The following CD47 variants were observed in gnomAD, a reference collection of about 807,000 sequenced individuals.
The protein encoded by CD47 is leukocyte surface antigen CD47.
CD47 carries 11 observed loss-of-function variants against 44.6 expected under a neutral mutation model. That is an observed-to-expected ratio of 0.25 (90% CI 0.16 to 0.41). CD47 has a LOEUF of 0.41. Ranked by LOEUF, CD47 falls within the 10% of genes least tolerant of loss-of-function variation. The pLI is 1.00. For synonymous variants in CD47, 140 were observed against 136.3 expected, an observed-to-expected ratio of 1.03 and a Z score of -0.19; for missense variants, 306 against 386.7, an observed-to-expected ratio of 0.79 and a Z score of 1.75.
At chr3:108,057,431 T>C in intron 7 of CD47, 46 bp downstream of exon 7, 1 of 864,448 alleles carries the variant, frequency 1.2e-6, no homozygotes, top group Non-Finnish European at 2.0e-6. Flanking sequence ...CTAAGTGATA[T>C]ATCTGAAATT....
At chr3:108,087,841 C>T (rs557967410) in intron 1 of CD47, among the ~76,000 whole-genome samples, 6 of 152,186 alleles carry the variant, frequency 3.9e-5, no homozygotes, top group Non-Finnish European at 5.9e-5. Flanking sequence ...ACTGTATAAT[C>T]GTAAAGAGGA....
intron 5 of CD47, among the ~76,000 whole-genome samples, chr3:108,058,949 C>G (rs2078964763): frequency 6.6e-6 from 1 of 152,160 alleles, no homozygotes; most frequent in African/African-American, 2.4e-5. Flanking sequence ...GATCTACTTT[C>G]AAAATGCAGT....
chr3:108,070,644 C>T (rs967526444), intron 3 of CD47, among the ~76,000 whole-genome samples: 1 of 152,086 alleles, frequency 6.6e-6, no homozygotes, highest in African/African-American at 2.4e-5. Flanking sequence ...TGGACTTTTC[C>T]AAGGGTGAAC....
At chr3:108,071,787 A>C (rs1360337257) in intron 2 of CD47, among the ~76,000 whole-genome samples, 1 of 152,230 alleles carries the variant, frequency 6.6e-6, no homozygotes, top group Non-Finnish European at 1.5e-5. Flanking sequence ...CTGTAAAGAC[A>C]GACTCAGGGA....
At chr3:108,072,603 G>A (rs887549842) in intron 2 of CD47, among the ~76,000 whole-genome samples, 4 of 152,140 alleles carry the variant, frequency 2.6e-5, no homozygotes, top group Non-Finnish European at 1.5e-5. Flanking sequence ...GATCTCTACT[G>A]AGAGATGTTT....
At chr3:108,072,604 A>G (rs1174663044) in intron 2 of CD47, among the ~76,000 whole-genome samples, 1 of 152,088 alleles carries the variant, frequency 6.6e-6, no homozygotes. Flanking sequence ...ATCTCTACTG[A>G]GAGATGTTTT....
intron 3 of CD47, among the ~76,000 whole-genome samples, chr3:108,065,894 C>A (rs1354592831): frequency 6.8e-6 from 1 of 147,848 alleles, no homozygotes. Context: ...GGGCCATCAA[C>A]CAGGTCACAG....
chr3:108,061,061 A>G (rs909612506), intron 3 of CD47, among the ~76,000 whole-genome samples: 1 of 151,812 alleles, frequency 6.6e-6, no homozygotes, highest in African/African-American at 2.4e-5. Flanking sequence ...GTGAATTTAT[A>G]GGTGACACCT....
intron 3 of CD47, among the ~76,000 whole-genome samples, chr3:108,065,722 G>T (rs1410674767): frequency 7.2e-6 from 1 of 137,996 alleles, no homozygotes; most frequent in Non-Finnish European, 1.5e-5. Flanking sequence ...TGAGACAGAA[G>T]AATCGCTTGA....
At chr3:108,086,412 G>A (rs2079521952) in intron 1 of CD47, among the ~76,000 whole-genome samples, 1 of 152,152 alleles carries the variant, frequency 6.6e-6, no homozygotes. Context: ...TTAGTTGTGG[G>A]AAGCAGGGGA....
Position 108,060,786 on chromosome 3 carries a change from A to T in CD47, c.557T>A (p.Ile186Asn). The T allele has an allele frequency of 4.3e-6, 7 of 1,613,810 alleles. No individual in the cohort carries two copies. Among genetic ancestry groups the T allele is most frequent in the Non-Finnish European group, 5.9e-6 (7 of 1,179,736 alleles). The change falls in exon 4 of 11, where the codon ATC (isoleucine) becomes AAC (asparagine). Residue 186 changes from isoleucine (I) to asparagine (N), a missense_variant. Ile to Asn is a moderately radical substitution (Grantham distance 149). Transcript: ENST00000361309. ...TIALLVAGLVITVIVIVGAIL... is the reference protein window; with the variant it reads ...TIALLVAGLVNTVIVIVGAIL... ...GGCTCCAACAATGACAATGACAGTG[A>T]TCACTAGTCCAGCAACAAGTAAAGC...
At chr3:108,079,225 A>G (rs903781962) in intron 2 of CD47, among the ~76,000 whole-genome samples, 2 of 151,936 alleles carry the variant, frequency 1.3e-5, no homozygotes, top group East Asian at 3.9e-4. Flanking sequence ...GAAAGAACAT[A>G]CTCATATGGG....
At chr3:108,057,674 A>C in intron 6 of CD47, 105 bp from the exon 7 acceptor site, 2 of 595,458 alleles carry the variant, frequency 3.4e-6, no homozygotes, top group Non-Finnish European at 6.0e-6. Context: ...CGATCAAAAA[A>C]CAAAAATTAT....
At chr3:108,079,934 A>C (rs2079384718) in intron 2 of CD47, 57 bp downstream of exon 2, 1 of 1,193,836 alleles carries the variant, frequency 8.4e-7, no homozygotes, top group Non-Finnish European at 1.2e-6. Context: ...CTCCTCTCGA[A>C]AGAGGATCAG....
intron 3 of CD47, among the ~76,000 whole-genome samples, chr3:108,066,995 C>A (rs1314717889): frequency 6.6e-6 from 1 of 152,170 alleles, no homozygotes; most frequent in African/African-American, 2.4e-5. Context: ...AGAAACCGAT[C>A]CAAACTTAGA....
chr3:108,067,876 T>C (rs528715746), intron 3 of CD47, among the ~76,000 whole-genome samples: 42 of 152,314 alleles, frequency 2.8e-4, no homozygotes, highest in Admixed American at 1.1e-3. Flanking sequence ...TCTTTCAAGA[T>C]ACAGCTCTGG....
intron 7 of CD47, chr3:108,053,246 G>A (rs545684785): frequency 6.6e-6 from 1 of 152,528 alleles, no homozygotes; most frequent in African/African-American, 2.4e-5. Context: ...AGGGAAAAGG[G>A]TGGGTCCTGA....
chr3:108,060,946 C>A, intron 3 of CD47, 94 bp from the exon 4 acceptor site: 1 of 758,592 alleles, frequency 1.3e-6, no homozygotes, highest in Non-Finnish European at 2.2e-6. Flanking sequence ...GACAGAAGTA[C>A]TATAATGTAA....
rs2078699845 is a variant in CD47, at chr3:108,045,003, A to T, written c.*2285T>A. 1 of 152,636 alleles carries T rather than the reference A, an allele frequency of 6.6e-6. No individual in the cohort carries two copies. Among genetic ancestry groups the T allele is most frequent in the Non-Finnish European group, 1.5e-5 (1 of 68,032 alleles). 9.5% of individuals were successfully genotyped at this position (152,636 alleles called of 1,614,324 possible). A position where few individuals can be genotyped will look rare whatever the true frequency, so the allele number is the denominator to read the frequency against. Reference sequence around the variant, plus strand: ...GCCATTACAAATCTGATTTAAAGAGAAGGAACTGGCCCAATGATGCCCAAG... The same window carrying T: ...GCCATTACAAATCTGATTTAAAGAGTAGGAACTGGCCCAATGATGCCCAAG... On this transcript the variant is annotated 3_prime_UTR_variant, in exon 11 of 11. Transcript: ENST00000361309.
Sources: allele counts gnomAD v4.1 joint callset (sites outside exome capture counted in the v4.1 genomes callset), GRCh38; gene constraint gnomAD v4.1.1; transcripts MANE v1.5; gene names NCBI Gene and HGNC (gene_info 2026-07-23, HGNC 2026-07-21).